The following FTCDNL1 variants were observed in gnomAD, a reference collection of about 807,000 sequenced individuals.
FTCDNL1 encodes formiminotransferase N-terminal subdomain-containing protein.
In FTCDNL1, 11 loss-of-function variants were observed where a neutral mutation model predicts 5.9. The observed-to-expected ratio is 1.87, with a 90% CI of 1.18 to 3.10. FTCDNL1 has a LOEUF of 3.10. Among genes scored for constraint, FTCDNL1 ranks in the 30% most tolerant of loss-of-function variants. FTCDNL1 has a pLI of 0.00. For synonymous variants in FTCDNL1, 58 were observed against 24.8 expected, an observed-to-expected ratio of 2.34 and a Z score of -3.99; for missense variants, 115 against 65.5, an observed-to-expected ratio of 1.76 and a Z score of -2.61.
At chr2:199,826,719 A>AGGAGGC (rs1702060431) in intron 3 of FTCDNL1, among the ~76,000 whole-genome samples, 1 of 152,210 alleles carries the variant, frequency 6.6e-6, no homozygotes, top group Non-Finnish European at 1.5e-5. Context: ...ACTTGAACAC[A>AGGAGGC]GGAGGCGGAG....
At chr2:199,703,484 G>C in the FTCDNL1 span, among the ~76,000 whole-genome samples, 1 of 152,070 alleles carries the variant, frequency 6.6e-6, no homozygotes, top group Non-Finnish European at 1.5e-5. Context: ...ATATTTATTA[G>C]GTAAACTATA....
chr2:199,696,564 G>A, the FTCDNL1 span, among the ~76,000 whole-genome samples: 7 of 151,844 alleles, frequency 4.6e-5, no homozygotes, highest in Non-Finnish European at 4.4e-5. Flanking sequence ...CTGAAATTGT[G>A]CAGAAACAAA....
At position 199,814,336 on chromosome 2, in the gene FTCDNL1, T is replaced by C. The variant is rs1416309539; in HGVS notation, c.398-1612A>G. Among the ~76,000 whole-genome samples, 4 of 152,202 alleles carry C rather than the reference T, an allele frequency of 2.6e-5. No homozygotes were observed. The East Asian group carries it at 5.8e-4, about 22-fold the overall frequency. ...AAAAGAAAGCTAAGTGAGAACCACGTGCCACAGGGCTAGGAAGTACTCCCG... is the reference window on the plus strand; with the variant it reads ...AAAAGAAAGCTAAGTGAGAACCACGCGCCACAGGGCTAGGAAGTACTCCCG... On this transcript the variant is annotated intron_variant, in intron 4 of 4. Coordinates refer to ENST00000420128, the MANE Select transcript of FTCDNL1 (RefSeq NM_001363886.2).
chr2:199,764,301 C>A (rs1698407701), intron 3 of FTCDNL1, among the ~76,000 whole-genome samples: 1 of 152,118 alleles, frequency 6.6e-6, no homozygotes, highest in Admixed American at 6.6e-5. Flanking sequence ...CTATTATTAC[C>A]CCCATTCTGC....
intron 2 of FTCDNL1, among the ~76,000 whole-genome samples, chr2:199,848,030 T>C (rs546705985): frequency 5.3e-5 from 8 of 152,168 alleles, no homozygotes; most frequent in Non-Finnish European, 1.0e-4. Flanking sequence ...GAAATTAAAA[T>C]TTACTGTCTG....
downstream of FTCDNL1, among the ~76,000 whole-genome samples, chr2:199,808,736 C>T (rs1035231715): frequency 6.6e-6 from 1 of 152,204 alleles, no homozygotes; most frequent in Non-Finnish European, 1.5e-5. Context: ...AAAACTAAAG[C>T]AAAGCTCTAG....
At chr2:199,696,614 G>C in the FTCDNL1 span, among the ~76,000 whole-genome samples, 1 of 151,628 alleles carries the variant, frequency 6.6e-6, no homozygotes, top group Admixed American at 6.6e-5. Flanking sequence ...CAACCCTCAA[G>C]GTCATCAAAG....
At chr2:199,837,745 A>T (rs1369173477) in intron 3 of FTCDNL1, among the ~76,000 whole-genome samples, 1 of 152,228 alleles carries the variant, frequency 6.6e-6, no homozygotes, top group African/African-American at 2.4e-5. Flanking sequence ...AAATCAAAAC[A>T]ATAAGTATCA....
the FTCDNL1 span, among the ~76,000 whole-genome samples, chr2:199,683,640 A>C: frequency 1.3e-5 from 2 of 151,570 alleles, no homozygotes; most frequent in Admixed American, 6.6e-5. Context: ...TGACTGCTGT[A>C]AAGATGGAGC....
intron 3 of FTCDNL1, among the ~76,000 whole-genome samples, chr2:199,774,988 C>T: frequency 6.6e-6 from 1 of 152,156 alleles, no homozygotes; most frequent in East Asian, 1.9e-4. Context: ...TAAGTGCATT[C>T]CTTCTACTGC....
chr2:199,714,318 C>G, the FTCDNL1 span, among the ~76,000 whole-genome samples: 7 of 151,958 alleles, frequency 4.6e-5, no homozygotes, highest in African/African-American at 1.5e-4. Flanking sequence ...AAGATGACAG[C>G]TGAGAATCTG....
At chr2:199,753,582 G>A in the FTCDNL1 span, among the ~76,000 whole-genome samples, 7 of 152,208 alleles carry the variant, frequency 4.6e-5, no homozygotes, top group African/African-American at 9.7e-5. Context: ...CCAATGTGAT[G>A]GAACAAGCGT....
At chr2:199,684,914 T>C in the FTCDNL1 span, among the ~76,000 whole-genome samples, 1 of 152,208 alleles carries the variant, frequency 6.6e-6, no homozygotes, top group African/African-American at 2.4e-5. Flanking sequence ...AGATCTAAAC[T>C]GTACAGGATG....
chr2:199,849,089 T>A, intron 1 of FTCDNL1, 120 bp from the exon 2 acceptor site: 2 of 601,910 alleles, frequency 3.3e-6, no homozygotes, highest in Non-Finnish European at 5.9e-6. Context: ...ACTTTACTAT[T>A]TCATTCCTAG....
the FTCDNL1 span, among the ~76,000 whole-genome samples, chr2:199,672,710 GTC>G: frequency 6.6e-6 from 1 of 151,984 alleles, no homozygotes; most frequent in African/African-American, 2.4e-5. Flanking sequence ...TCTCTAAGTG[GTC>G]TCTCTGCTTG....
At chr2:199,701,292 G>T in the FTCDNL1 span, among the ~76,000 whole-genome samples, 2 of 80,080 alleles carry the variant, frequency 2.5e-5, no homozygotes, top group Non-Finnish European at 2.3e-5. Context: ...GCTGTTACTT[G>T]AAAGTTTAAA....
At chr2:199,684,035 A>G in the FTCDNL1 span, among the ~76,000 whole-genome samples, 2 of 152,354 alleles carry the variant, frequency 1.3e-5, no homozygotes, top group South Asian at 4.1e-4. Context: ...TGTGTGCTTA[A>G]CAAATACCAT....
At chr2:199,780,249 T>C (rs1699298503) in intron 3 of FTCDNL1, among the ~76,000 whole-genome samples, 1 of 152,108 alleles carries the variant, frequency 6.6e-6, no homozygotes, top group African/African-American at 2.4e-5. Context: ...GCTGGGCCCT[T>C]ATATCCCTGA....
chr2:199,823,947 T>C (rs1701857755), intron 3 of FTCDNL1, among the ~76,000 whole-genome samples: 1 of 152,230 alleles, frequency 6.6e-6, no homozygotes, highest in African/African-American at 2.4e-5. Flanking sequence ...TCATCAACAC[T>C]GAAAATCTGT....
Sources: gnomAD v4.1 joint callset for allele counts (sites outside exome capture counted in the v4.1 genomes callset) on GRCh38, gnomAD v4.1.1 for gene constraint, MANE v1.5 for transcripts, NCBI Gene and HGNC (gene_info 2026-07-23, HGNC 2026-07-21) for gene names.